NUP214: variants seen among roughly 807,000 people sequenced by gnomAD.
The protein encoded by NUP214 is nucleoporin 214.
In NUP214, 79 loss-of-function variants were observed where a neutral mutation model predicts 196.2. The ratio of observed to expected loss-of-function variants is 0.40; its 90% CI spans 0.34 to 0.49. NUP214 has a LOEUF of 0.49. Among genes scored for constraint, NUP214 ranks in the 20% least tolerant of loss-of-function variants. The pLI, the probability that NUP214 is intolerant of heterozygous loss-of-function variation, is 0.58. For missense variants in NUP214, 2,468 were observed against 2,539.0 expected (o/e 0.97, Z 0.60); for synonymous variants, 1,020 against 990.5 (o/e 1.03, Z -0.56).
Position 131,125,894 on chromosome 9 carries a change from G to A in NUP214, c.45+145G>A. On this transcript the variant is annotated intron_variant, in intron 1 of 35. Coordinates refer to ENST00000359428, the MANE Select transcript of NUP214 (RefSeq NM_005085.4). This position sits in a 1 kb window ranked among gnomAD's most constrained non-coding sequence, Gnocchi z 4.1. ...CACAGCTCTCACCAGCGCGTCTGCCGCGCCGCTGGCGTGATAGCCCCACCG... is the reference window on the plus strand; with the variant it reads ...CACAGCTCTCACCAGCGCGTCTGCCACGCCGCTGGCGTGATAGCCCCACCG... 1.0e-6 allele frequency: 1 copy of A among 974,956 alleles called. No homozygotes were observed. Among genetic ancestry groups the A allele is most frequent in the Non-Finnish European group, 1.5e-6 (1 of 650,038 alleles). The allele number at this position is 974,956 out of a possible 1,614,324, so 60.4% of individuals were successfully genotyped here.
intron 24 of NUP214, chr9:131,187,037 AT>A: frequency 2.2e-6 from 1 of 446,522 alleles, no homozygotes; most frequent in South Asian, 2.8e-5. Context: ...ATGGTTACTA[AT>A]TTTTTTCTTT....
chr9:131,183,892 A>G (rs1213106071), intron 24 of NUP214, among the ~76,000 whole-genome samples: 4 of 151,996 alleles, frequency 2.6e-5, no homozygotes, highest in African/African-American at 9.7e-5. Flanking sequence ...TTAGAGAAAA[A>G]TTTGGATGCA....
chr9:131,163,018 A>G lies in NUP214; in HGVS notation c.2568A>G (p.Thr856=), dbSNP rs1442271771. 2 of 1,614,156 alleles carry G rather than the reference A, an allele frequency of 1.2e-6. No homozygotes were observed. The change falls in exon 19 of 36, where the codon ACA becomes ACG. Residue 856 remains threonine (T), a synonymous_variant. Transcript: ENST00000359428. The part of the protein sequence containing the change: ...QRHLLVPERE[T]LFNTLANNRE... ...ACCTGCTTGTGCCAGAGCGAGAGACACTGTTTAACACCCTAGCCAACAATC... is the reference window on the plus strand; with the variant it reads ...ACCTGCTTGTGCCAGAGCGAGAGACGCTGTTTAACACCCTAGCCAACAATC...
chr9:131,133,355 A>C, intron 7 of NUP214, 146 bp downstream of exon 7: 1 of 534,024 alleles, frequency 1.9e-6, no homozygotes, highest in South Asian at 2.7e-5. Context: ...CCCAGGCTAG[A>C]GTGCAGTGAT....
intron 31 of NUP214, among the ~76,000 whole-genome samples, chr9:131,218,977 G>A (rs947812459): frequency 1.3e-5 from 2 of 152,086 alleles, no homozygotes; most frequent in African/African-American, 2.4e-5. Context: ...ATGCAAGGCT[G>A]TTTCTGTGTG....
intron 17 of NUP214, among the ~76,000 whole-genome samples, chr9:131,153,722 A>T (rs1588135325): frequency 6.6e-6 from 1 of 152,198 alleles, no homozygotes; most frequent in East Asian, 1.9e-4. Flanking sequence ...AACCAAGATA[A>T]CTGAAACTGC....
At chr9:131,177,334 G>GTAGA (rs1363030026) in intron 23 of NUP214, among the ~76,000 whole-genome samples, 2 of 152,144 alleles carry the variant, frequency 1.3e-5, no homozygotes, top group African/African-American at 4.8e-5. Context: ...CTTGGACCAG[G>GTAGA]TAGAATCTTG....
At chr9:131,212,396 A>G (rs1834270516) in intron 30 of NUP214, among the ~76,000 whole-genome samples, 1 of 151,734 alleles carries the variant, frequency 6.6e-6, no homozygotes, top group African/African-American at 2.4e-5. Context: ...TATTCATACA[A>G]CCCTCCCCTT....
intron 32 of NUP214, among the ~76,000 whole-genome samples, chr9:131,225,311 C>G (rs1447879173): frequency 2.0e-5 from 3 of 150,102 alleles, no homozygotes; most frequent in South Asian, 4.2e-4. Flanking sequence ...CCCAGCTCCT[C>G]GGGAGACTGA....
At chr9:131,229,893 C>T (rs1834829102) in intron 33 of NUP214, 1 of 409,280 alleles carries the variant, frequency 2.4e-6, no homozygotes, top group African/African-American at 2.1e-5. Context: ...TTCTTGCCCC[C>T]AGGTGCTGCC....
chr9:131,212,446 G>A (rs780763024), intron 30 of NUP214, among the ~76,000 whole-genome samples: 30 of 152,034 alleles, frequency 2.0e-4, no homozygotes, highest in Non-Finnish European at 3.8e-4. Flanking sequence ...TGGCTCAGGG[G>A]GCATCACGGA....
chr9:131,166,248 TAGA>T (rs1367250657), intron 21 of NUP214, among the ~76,000 whole-genome samples: 1 of 152,248 alleles, frequency 6.6e-6, no homozygotes, highest in Non-Finnish European at 1.5e-5. Context: ...TTCCTTGTAT[TAGA>T]AGGCCATAAT....
chr9:131,159,539 T>C lies in NUP214; in HGVS notation c.2540+53T>C. On this transcript the variant is annotated intron_variant, in intron 18 of 35. Coordinates refer to ENST00000359428, the MANE Select transcript of NUP214 (RefSeq NM_005085.4). ...GTTGGAATAGATATTGCTATTGCCA[T>C]TTTAAAAAGGTTATTTAGGAACATA... 6 of 1,405,076 alleles carry C rather than the reference T, an allele frequency of 4.3e-6. 1 individual carries two copies. In the Middle Eastern group the frequency reaches 1.1e-3, roughly 250 times the overall value. The allele number at this position is 1,405,076 out of a possible 1,614,324, so 87.0% of individuals were successfully genotyped here.
rs777720694 is a variant in NUP214 at position 131,198,881 on chromosome 9, G to A, written c.5387G>A (p.Gly1796Glu). The change falls in exon 29 of 36, where the codon GGG (glycine) becomes GAG (glutamate). Residue 1796 changes from glycine to glutamate, a missense_variant. Gly to Glu is a moderately conservative substitution (Grantham distance 98, BLOSUM62 -2). Around this residue, in one of 5 missense-constraint regions of NUP214, gnomAD observed 1,801 missense variants for 1,779.4 expected, o/e 1.01. Coordinates refer to ENST00000359428, the MANE Select transcript of NUP214 (RefSeq NM_005085.4). ...FGQSSPNTGG[G>E]LFGQSNAPAF... is the part of the protein sequence containing the mutation. ...CAGTCTTCTCCCAACACAGGAGGGG[G>A]GCTGTTTGGCCAAAGCAACGCTCCT... 1.9e-6 allele frequency: 3 copies of A among 1,614,050 alleles called. No homozygotes were observed. Among genetic ancestry groups the A allele is most frequent in the South Asian group, 2.2e-5 (2 of 91,084 alleles).
At chr9:131,136,308 A>G (rs986011934) in intron 9 of NUP214, among the ~76,000 whole-genome samples, 5 of 152,260 alleles carry the variant, frequency 3.3e-5, no homozygotes, top group Non-Finnish European at 7.3e-5. Flanking sequence ...GGAATTAACT[A>G]TATGTGGTTA....
In NUP214 at chr9:131,192,187, TTTTTTTTTC is replaced by T; in HGVS notation, c.3575-20_3575-12del. 1.9e-6 allele frequency: 2 copies of T among 1,049,610 alleles called. No individual in the cohort carries two copies. The highest frequency in any genetic ancestry group is 1.7e-5 in the African/African-American group (1 of 60,206). 65.0% of individuals were successfully genotyped at this position (1,049,610 alleles called of 1,614,324 possible). Reference sequence around the variant, plus strand: ...TAATATTCTTTTTTTTTTTTTTTTTTTTTTTTTTCCATAATTTCAGGGACAGCCAAGATA... The same window carrying T: ...TAATATTCTTTTTTTTTTTTTTTTTTCATAATTTCAGGGACAGCCAAGATA... On this transcript the variant is annotated splice_polypyrimidine_tract_variant and intron_variant, in intron 26 of 35. Coordinates refer to ENST00000359428, the MANE Select transcript of NUP214 (RefSeq NM_005085.4).
chr9:131,136,128 C>A, intron 9 of NUP214, 122 bp downstream of exon 9: 1 of 759,182 alleles, frequency 1.3e-6, no homozygotes, highest in Non-Finnish European at 2.1e-6. Context: ...GCAACCTCTG[C>A]CTTCCAAGTT....
At chr9:131,181,393 T>C (rs147326177) in intron 24 of NUP214, among the ~76,000 whole-genome samples, 1,649 of 152,268 alleles carry the variant, frequency 0.011, 21 homozygotes, top group Non-Finnish European at 0.017. Flanking sequence ...ATCGCTGGAT[T>C]ACATAGCTCA....
At position 131,163,148 on chromosome 9, in the gene NUP214, G is replaced by A. The variant is rs138786552; in HGVS notation, c.2698G>A (p.Val900Ile). ...TTCCCTGTGGAGCCTGTCCTCGGCTGTTCCTTCCCAGAGCAGCATTCACAG... is the reference window on the plus strand; with the variant it reads ...TTCCCTGTGGAGCCTGTCCTCGGCTATTCCTTCCCAGAGCAGCATTCACAG... ...QTSLWSLSSA[V>I]PSQSSIHSFD... Residue 900 changes from valine (V) to isoleucine (I), a missense_variant, in exon 19 of 36, where the codon GTT (valine) becomes ATT (isoleucine). Physicochemically the swap from Val to Ile is conservative, Grantham distance 29. Coordinates refer to ENST00000359428, the MANE Select transcript of NUP214 (RefSeq NM_005085.4). 1.1e-5 allele frequency: 18 copies of A among 1,612,828 alleles called. No individual in the cohort carries two copies. The highest frequency in any genetic ancestry group is 1.5e-5 in the Non-Finnish European group (18 of 1,179,664).
Sources: gnomAD v4.1 joint callset for allele counts (sites outside exome capture counted in the v4.1 genomes callset) on GRCh38, gnomAD v4.1.1 for gene constraint, gnomAD v4.1.1 regional missense constraint, Gnocchi (gnomAD v3.1) non-coding constraint, MANE v1.5 for transcripts, NCBI Gene and HGNC (gene_info 2026-07-23, HGNC 2026-07-21) for gene names.